Variants in EPHB2 observed in about 807,000 individuals in gnomAD.
The protein encoded by EPHB2 is ephrin type-B receptor 2.
In EPHB2, 18 loss-of-function variants were observed where a neutral mutation model predicts 96.4. The ratio of observed to expected loss-of-function variants is 0.19; its 90% CI spans 0.13 to 0.28. The LOEUF (loss-of-function observed/expected upper bound fraction) is 0.28. Among genes scored for constraint, EPHB2 ranks in the 10% least tolerant of loss-of-function variants. EPHB2 has a pLI of 1.00. For missense variants in EPHB2, 989 were observed against 1,355.4 expected (o/e 0.73, Z 4.25); for synonymous variants, 506 against 534.1 (o/e 0.95, Z 0.72).
chr1:22,879,172 T>C (rs932948965), intron 5 of EPHB2, among the ~76,000 whole-genome samples: 9 of 150,218 alleles, frequency 6.0e-5, no homozygotes, highest in African/African-American at 2.2e-4. Context: ...GCATCCTCCT[T>C]AGCTTCTCAG....
In EPHB2 at chr1:22,781,481, CA is replaced by C; in HGVS notation, c.123del (p.Trp43GlyfsTer4). On this transcript the variant is annotated frameshift_variant, in exon 2 of 16. Transcript: ENST00000374630. LOFTEE classifies it high-confidence loss of function. ...AELGWMVHPP[S>X]GWEEVSGYDE... ...CTGGGCTGGATGGTGCATCCTCCAT[CA>C]GGGGTGAGTCAGTGGTCCCCAAACC... The C allele has an allele frequency of 6.2e-7, 1 of 1,614,022 alleles. No individual in the cohort carries two copies. The highest frequency in any genetic ancestry group is 8.5e-7 in the Non-Finnish European group (1 of 1,179,974).
intron 1 of EPHB2, among the ~76,000 whole-genome samples, chr1:22,717,379 G>T (rs1020968865): frequency 4.6e-5 from 7 of 152,134 alleles, no homozygotes; most frequent in Non-Finnish European, 8.8e-5. Context: ...GGTGCAGGAG[G>T]GGGACACCTG....
rs562735483 is a variant in EPHB2 at position 22,858,926 on chromosome 1, C to T, written c.812-4111C>T. Among the ~76,000 whole-genome samples, 167 of 152,316 alleles carry T rather than the reference C, an allele frequency of 1.1e-3. 1 individual carries two copies. The highest frequency in any genetic ancestry group is 3.8e-3 in the African/African-American group (157 of 41,562). On this transcript the variant is annotated intron_variant, in intron 3 of 15. Coordinates refer to ENST00000374630, the MANE Select transcript of EPHB2 (RefSeq NM_017449.5). The surrounding 1 kb of genome is among the most constrained non-coding windows in gnomAD (Gnocchi z 7.7). ...AACCCAGCATTATACTGGGAGTTTA[C>T]AGTCCAGCCAGGTAGACACATTCAT...
At chr1:22,774,394 G>C (rs148211572) in intron 1 of EPHB2, among the ~76,000 whole-genome samples, 198 of 152,216 alleles carry the variant, frequency 1.3e-3, no homozygotes, top group African/African-American at 4.4e-3. Context: ...CCATGACTTT[G>C]TTACTTAACC....
intron 1 of EPHB2, among the ~76,000 whole-genome samples, chr1:22,740,298 T>A (rs1282255130): frequency 6.6e-6 from 1 of 152,214 alleles, no homozygotes; most frequent in Non-Finnish European, 1.5e-5. Flanking sequence ...TGTTTTTTTC[T>A]AAATAAGGTT....
chr1:22,724,800 A>G (rs1200456000), intron 1 of EPHB2, among the ~76,000 whole-genome samples: 2 of 152,138 alleles, frequency 1.3e-5, no homozygotes, highest in African/African-American at 4.8e-5. Flanking sequence ...GTGGACTTGG[A>G]AAAACTGGGG....
rs569100818 is a variant in EPHB2 at position 22,914,151 on chromosome 1, T to C, written c.*581T>C. On this transcript the variant is annotated 3_prime_UTR_variant, in exon 16 of 16. Coordinates refer to ENST00000374630, the MANE Select transcript of EPHB2 (RefSeq NM_017449.5). ...TGCCACCACTGGGCAAACAGAAGAA[T>C]TTTTCTGTCTTTGGAGAGTATTTTA... The C allele has an allele frequency of 1.8e-5, 7 of 395,306 alleles. No homozygotes were observed. In the South Asian group the frequency reaches 2.4e-4, roughly 13 times the overall value. The allele number at this position is 395,306 out of a possible 1,614,324, so 24.5% of individuals were successfully genotyped here.
intron 5 of EPHB2, among the ~76,000 whole-genome samples, chr1:22,872,003 G>A (rs779763118): frequency 3.2e-4 from 43 of 134,020 alleles, no homozygotes; most frequent in South Asian, 8.5e-4. Flanking sequence ...GTAACAGAGC[G>A]AGACTCCATC....
rs1639923412 is a variant in EPHB2, at chr1:22,906,590, A to C, written c.1889-120A>C. The C allele has an allele frequency of 1.4e-6, 2 of 1,470,974 alleles. No homozygotes were observed. Among genetic ancestry groups the C allele is most frequent in the South Asian group, 1.2e-5 (1 of 81,890 alleles). 91.1% of individuals were successfully genotyped at this position (1,470,974 alleles called of 1,614,324 possible). On this transcript the variant is annotated intron_variant, in intron 10 of 15. Coordinates refer to ENST00000374630, the MANE Select transcript of EPHB2 (RefSeq NM_017449.5). The surrounding 1 kb of genome is among the most constrained non-coding windows in gnomAD (Gnocchi z 4.8). ...AAGGGGTTCTGTGTCTGCAAGGATG[A>C]GTGGGCCATTGAGAAGAAAATGTAC... is the stretch of plus-strand genomic sequence containing the variant.
chr1:22,812,616 C>T (rs1442120932), intron 3 of EPHB2, among the ~76,000 whole-genome samples: 1 of 152,172 alleles, frequency 6.6e-6, no homozygotes, highest in Non-Finnish European at 1.5e-5. Flanking sequence ...GACGTGGCCC[C>T]ACAGCCAGAA....
At chr1:22,816,378 G>T (rs2165331) in intron 3 of EPHB2, among the ~76,000 whole-genome samples, 84,010 of 151,996 alleles carry the variant, frequency 0.55, 25,597 homozygotes, top group Non-Finnish European at 0.69. Flanking sequence ...TTTCTGGCTG[G>T]TCACAATCCC....
chr1:22,912,335 A>T (rs984173882), intron 14 of EPHB2, 109 bp from the exon 15 acceptor site: 11 of 1,493,022 alleles, frequency 7.4e-6, no homozygotes, highest in Admixed American at 1.7e-5. Flanking sequence ...TGTTCACATA[A>T]ATGGATGCAC....
intron 3 of EPHB2, among the ~76,000 whole-genome samples, chr1:22,825,906 G>T (rs1455641537): frequency 6.6e-6 from 1 of 152,224 alleles, no homozygotes; most frequent in African/African-American, 2.4e-5. Flanking sequence ...GGTGTCTGAG[G>T]TGGGGAGGGG....
intron 6 of EPHB2, among the ~76,000 whole-genome samples, chr1:22,883,686 GT>G (rs1639123631): frequency 2.6e-5 from 4 of 152,166 alleles, no homozygotes; most frequent in African/African-American, 9.7e-5. Flanking sequence ...TTCCCACTCT[GT>G]TAACTGCTGG....
chr1:22,862,540 G>A (rs1025275219), intron 3 of EPHB2, among the ~76,000 whole-genome samples: 2 of 152,294 alleles, frequency 1.3e-5, no homozygotes, highest in South Asian at 2.1e-4. Flanking sequence ...AAGCCAGGTC[G>A]GTCTTATTCC....
At chr1:22,838,037 G>C (rs550955999) in intron 3 of EPHB2, among the ~76,000 whole-genome samples, 25 of 152,302 alleles carry the variant, frequency 1.6e-4, no homozygotes, top group Admixed American at 1.1e-3. Context: ...AAAAAGCAGA[G>C]GTGGCCACGA....
At chr1:22,878,620 G>A (rs10917323) in intron 5 of EPHB2, among the ~76,000 whole-genome samples, 126,113 of 152,250 alleles carry the variant, frequency 0.83, 57,237 homozygotes, top group Non-Finnish European at 1. Flanking sequence ...TTCTCACAGC[G>A]TCCTGGCCAG....
At chr1:22,770,585 C>A (rs1444928900) in intron 1 of EPHB2, among the ~76,000 whole-genome samples, 1 of 152,164 alleles carries the variant, frequency 6.6e-6, no homozygotes, top group Non-Finnish European at 1.5e-5. Context: ...TAAGATTAAA[C>A]CTGCATGCAA....
In EPHB2 at chr1:22,892,966, A is replaced by C. The variant is rs762242282; in HGVS notation, c.1511A>C (p.Tyr504Ser). 1 of 1,614,224 alleles carries C rather than the reference A, an allele frequency of 6.2e-7. No homozygotes were observed. The highest frequency in any genetic ancestry group is 8.5e-7 in the Non-Finnish European group (1 of 1,180,032). The change falls in exon 7 of 16, where the codon TAT becomes TCT. Residue 504 changes from tyrosine to serine, a missense_variant. Physicochemically the swap from Tyr to Ser is moderately radical, Grantham distance 144. Coordinates refer to ENST00000374630, the MANE Select transcript of EPHB2 (RefSeq NM_017449.5). ...CAGGGCCTCAAAGCCGGCGCCATCT[A>C]TGTCTTCCAGGTGCGGGCACGCACC... ...TVQGLKAGAI[Y>S]VFQVRARTVA...
Sources: allele counts gnomAD v4.1 joint callset (sites outside exome capture counted in the v4.1 genomes callset), GRCh38; gene constraint gnomAD v4.1.1; non-coding constraint Gnocchi (gnomAD v3.1); transcripts MANE v1.5; gene names NCBI Gene and HGNC (gene_info 2026-07-23, HGNC 2026-07-21).